ELMO1: variants seen among roughly 807,000 people sequenced by gnomAD.
ELMO1 encodes engulfment and cell motility protein 1.
In ELMO1, 26 loss-of-function variants were observed where a neutral mutation model predicts 98.9. The observed-to-expected ratio is 0.26, with a 90% confidence interval of 0.19 to 0.36. The LOEUF is 0.36. Ranked by LOEUF, ELMO1 falls within the 10% of genes least tolerant of loss-of-function variation. The probability of loss-of-function intolerance (pLI) is 1.00; values close to 1 mark genes in which losing one functional copy is unlikely to be tolerated. For missense variants in ELMO1, 627 were observed against 935.2 expected, an observed-to-expected ratio of 0.67 and a Z score of 4.30; for synonymous variants, 346 against 346.0, an observed-to-expected ratio of 1.00 and a Z score of 0.00.
At chr7:37,061,362 A>C (rs900983913) in intron 15 of ELMO1, among the ~76,000 whole-genome samples, 4 of 152,206 alleles carry the variant, frequency 2.6e-5, no homozygotes, top group African/African-American at 9.7e-5. Flanking sequence ...CTTAATGCAA[A>C]AGGCACGTTC....
At chr7:37,021,538 G>A (rs1212020593) in intron 15 of ELMO1, among the ~76,000 whole-genome samples, 2 of 151,920 alleles carry the variant, frequency 1.3e-5, no homozygotes, top group Non-Finnish European at 2.9e-5. Flanking sequence ...CACATCCCAG[G>A]CACACAGTTA....
chr7:36,928,684 C>A (rs1785777643), intron 16 of ELMO1, among the ~76,000 whole-genome samples: 1 of 152,160 alleles, frequency 6.6e-6, no homozygotes, highest in African/African-American at 2.4e-5. Flanking sequence ...CAGCCCCATT[C>A]CCAGGCCAGA....
At chr7:37,378,199 G>A (rs1430158902) in intron 1 of ELMO1, among the ~76,000 whole-genome samples, 1 of 152,174 alleles carries the variant, frequency 6.6e-6, no homozygotes, top group Non-Finnish European at 1.5e-5. Context: ...TGCTGGGATG[G>A]GGACTCTGCC....
intron 1 of ELMO1, among the ~76,000 whole-genome samples, chr7:37,405,420 C>T (rs998260238): frequency 3.9e-5 from 6 of 152,150 alleles, no homozygotes; most frequent in African/African-American, 7.2e-5. Flanking sequence ...TTCCAAATCA[C>T]GGAGAAACAC....
chr7:37,376,074 T>TA (rs1802328513), intron 1 of ELMO1: 1 of 354,668 alleles, frequency 2.8e-6, no homozygotes, highest in Non-Finnish European at 5.4e-6. Flanking sequence ...AAAAAAACTT[T>TA]AAAAAAATGA....
At chr7:37,020,672 A>G (rs1001323517) in intron 15 of ELMO1, among the ~76,000 whole-genome samples, 1 of 152,096 alleles carries the variant, frequency 6.6e-6, no homozygotes, top group African/African-American at 2.4e-5. Flanking sequence ...GCTAAGAGAG[A>G]CTCTGAACCC....
intron 14 of ELMO1, among the ~76,000 whole-genome samples, chr7:37,127,709 G>GCCTTTTTCT (rs1175245820): frequency 6.6e-6 from 1 of 152,140 alleles, no homozygotes; most frequent in African/African-American, 2.4e-5. Context: ...GCTAGTCATA[G>GCCTTTTTCT]CCTTTTTCTT....
At chr7:37,314,450 A>C (rs1395245615) in intron 4 of ELMO1, among the ~76,000 whole-genome samples, 3 of 152,306 alleles carry the variant, frequency 2.0e-5, no homozygotes, top group Admixed American at 6.5e-5. Flanking sequence ...CTACATACAT[A>C]ATTCCACATT....
intron 21 of ELMO1, among the ~76,000 whole-genome samples, chr7:36,857,428 G>A (rs1802286515): frequency 6.6e-6 from 1 of 151,980 alleles, no homozygotes; most frequent in Non-Finnish European, 1.5e-5. Context: ...ATTCTCAAAG[G>A]CCCCTTCCAG....
intron 1 of ELMO1, among the ~76,000 whole-genome samples, chr7:37,386,920 C>T (rs976998471): frequency 1.3e-5 from 2 of 152,178 alleles, no homozygotes; most frequent in African/African-American, 2.4e-5. Context: ...ATTTGATCTT[C>T]ACTCCCAGAG....
intron 13 of ELMO1, among the ~76,000 whole-genome samples, chr7:37,148,094 A>C (rs967867749): frequency 1.7e-4 from 26 of 152,214 alleles, no homozygotes; most frequent in African/African-American, 6.0e-4. Flanking sequence ...AAAGGCAAAT[A>C]ACCACTAGAT....
chr7:37,182,473 T>C (rs1313413188), intron 13 of ELMO1, among the ~76,000 whole-genome samples: 2 of 144,556 alleles, frequency 1.4e-5, no homozygotes, highest in African/African-American at 5.1e-5. Context: ...TTTTTTTTTT[T>C]TTTTTTTTTT....
intron 4 of ELMO1, among the ~76,000 whole-genome samples, chr7:37,286,247 G>A (rs1797388281): frequency 6.6e-6 from 1 of 152,184 alleles, no homozygotes; most frequent in Admixed American, 6.5e-5. Context: ...AGGGATGGAG[G>A]AGTGGCCAAG....
chr7:37,371,257 T>C (rs753331015), intron 1 of ELMO1, among the ~76,000 whole-genome samples: 21 of 152,296 alleles, frequency 1.4e-4, no homozygotes, highest in Middle Eastern at 6.8e-3. Context: ...TAATAAAATA[T>C]TCAGAGCAAT....
At chr7:37,037,058 T>C (rs759848408) in intron 15 of ELMO1, among the ~76,000 whole-genome samples, 3 of 152,164 alleles carry the variant, frequency 2.0e-5, no homozygotes, top group Non-Finnish European at 4.4e-5. Context: ...ACCATGGGGT[T>C]ACTACAGAAT....
At chr7:36,887,914 T>C (rs1423960040) in intron 17 of ELMO1, among the ~76,000 whole-genome samples, 1 of 152,224 alleles carries the variant, frequency 6.6e-6, no homozygotes, top group Non-Finnish European at 1.5e-5. Context: ...ACTTCAGTGA[T>C]GTTTTTCCAG....
intron 15 of ELMO1, among the ~76,000 whole-genome samples, chr7:37,024,151 C>A (rs879584850): frequency 6.6e-5 from 10 of 152,154 alleles, no homozygotes; most frequent in African/African-American, 2.2e-4. Flanking sequence ...GTCCATCCAT[C>A]CATCTAACTA....
intron 13 of ELMO1, among the ~76,000 whole-genome samples, chr7:37,189,054 G>T (rs1186725048): frequency 1.3e-5 from 2 of 152,172 alleles, no homozygotes; most frequent in Non-Finnish European, 2.9e-5. Flanking sequence ...AGGTGTATTT[G>T]CTGTGGCACT....
rs1802131591 is a variant in ELMO1 at position 36,855,554 on chromosome 7, G to C, written c.2181C>G (p.Asn727Lys). The change falls in exon 22 of 22, where the codon AAC becomes AAG. Residue 727 changes from asparagine to lysine, a missense_variant. Physicochemically the swap from Asn to Lys is moderately conservative, Grantham distance 94. Transcript: ENST00000310758. The surrounding 1 kb of genome is among the most constrained non-coding windows in gnomAD (Gnocchi z 4.2). ...PSNYDFVYDC[N>K] ...GGCATGTCTGGGCCCGGCCACTTCA[G>C]TTACAGTCATAGACGAAGTCATAGT... 1 of 1,613,928 alleles carries C rather than the reference G, an allele frequency of 6.2e-7. No individual in the cohort carries two copies. The highest frequency in any genetic ancestry group is 1.3e-5 in the African/African-American group (1 of 74,928).
Sources: allele counts gnomAD v4.1 joint callset (sites outside exome capture counted in the v4.1 genomes callset), GRCh38; gene constraint gnomAD v4.1.1; non-coding constraint Gnocchi (gnomAD v3.1); transcripts MANE v1.5; gene names NCBI Gene and HGNC (gene_info 2026-07-23, HGNC 2026-07-21).